The following SLC35B3 variants were observed in gnomAD, a reference collection of about 807,000 sequenced individuals.
SLC35B3 encodes solute carrier family 35 member B3.
SLC35B3 carries 35 observed loss-of-function variants against 44.1 expected under a neutral mutation model. The observed-to-expected ratio is 0.79, with a 90% confidence interval of 0.61 to 1.05. The LOEUF (loss-of-function observed/expected upper bound fraction) is 1.05, where lower values mean the gene tolerates loss of function less well. SLC35B3 is among the 50% of genes least tolerant of loss of function. The pLI, the probability that SLC35B3 is intolerant of heterozygous loss-of-function variation, is 0.00. For synonymous variants in SLC35B3, 146 were observed against 167.3 expected, an observed-to-expected ratio of 0.87 and a Z score of 0.98; for missense variants, 414 against 476.4, an observed-to-expected ratio of 0.87 and a Z score of 1.22.
At position 8,420,696 on chromosome 6, in the gene SLC35B3, C is replaced by T. The variant is rs1197264818; in HGVS notation, c.682+25G>A. ...TTCTAAACTAAAAAGCCTATAAAAG[C>T]TAGGAATATAAATAAATTACTTACC... On this transcript the variant is annotated intron_variant, in intron 6 of 10. Transcript: ENST00000644923. This position sits in a 1 kb window ranked among gnomAD's most constrained non-coding sequence, Gnocchi z 4.4. The T allele has an allele frequency of 1.3e-6, 2 of 1,548,160 alleles. No individual in the cohort carries two copies. Among genetic ancestry groups the T allele is most frequent in the African/African-American group, 2.7e-5 (2 of 72,968 alleles).
rs571286280 is a variant in SLC35B3 at position 8,420,412 on chromosome 6, A to T, written c.682+309T>A. Among the ~76,000 whole-genome samples the T allele has an allele frequency of 6.6e-6, 1 of 152,206 alleles. No individual in the cohort carries two copies. ...CAAAAACAATTATTTGTTCATATTC[A>T]TTTTTGAATAACGTAATACTGAGTT... On this transcript the variant is annotated intron_variant, in intron 6 of 10. Transcript: ENST00000644923. The surrounding 1 kb of genome is among the most constrained non-coding windows in gnomAD (Gnocchi z 4.4).
intron 9 of SLC35B3, 93 bp from the exon 9 acceptor site, chr6:8,415,070 T>G: frequency 1.3e-6 from 1 of 743,902 alleles, no homozygotes; most frequent in Non-Finnish European, 2.2e-6. Context: ...CCTGACTATA[T>G]GCCAGAATCT....
At chr6:8,415,935 C>T (rs1298938592) in intron 9 of SLC35B3, among the ~76,000 whole-genome samples, 4 of 152,052 alleles carry the variant, frequency 2.6e-5, no homozygotes, top group African/African-American at 9.7e-5. Context: ...GAAGATGGCA[C>T]AGTGGACAGA....
rs752406652 is a variant in SLC35B3, at chr6:8,416,982, G to T, written c.887C>A (p.Thr296Asn). 6.3e-7 allele frequency: 1 copy of T among 1,582,764 alleles called. No homozygotes were observed. Among genetic ancestry groups the T allele is most frequent in the Non-Finnish European group, 8.6e-7 (1 of 1,164,690 alleles). ...GGAAAAAAGGAACGCATAACCATAGGTCCGAACTGGATTCTGCAAAAAATA... is the reference window on the plus strand; with the variant it reads ...GGAAAAAAGGAACGCATAACCATAGTTCCGAACTGGATTCTGCAAAAAATA... The change falls in exon 9 of 11, where the codon ACC becomes AAC. Residue 296 changes from threonine (T) to asparagine (N), a missense_variant. Thr to Asn is a moderately conservative substitution (Grantham distance 65). Transcript: ENST00000644923.
Position 8,435,058 on chromosome 6 carries a change from C to A in SLC35B3, c.-44+285G>T. 5.0e-6 allele frequency: 6 copies of A among 1,203,098 alleles called. No homozygotes were observed. Among genetic ancestry groups the A allele is most frequent in the Non-Finnish European group, 6.3e-6 (6 of 950,500 alleles). 74.5% of individuals were successfully genotyped at this position (1,203,098 alleles called of 1,614,324 possible). A position where few individuals can be genotyped will look rare whatever the true frequency, so the allele number is the denominator to read the frequency against. ...GAGACCCCGAGAACAGCGTAAAAGACCCCTTGAGGTCACCTCACCCCTGCG... is the reference window on the plus strand; with the variant it reads ...GAGACCCCGAGAACAGCGTAAAAGAACCCTTGAGGTCACCTCACCCCTGCG... On this transcript the variant is annotated intron_variant, in intron 1 of 10. Transcript: ENST00000644923. This position sits in a 1 kb window ranked among gnomAD's most constrained non-coding sequence, Gnocchi z 5.5.
intron 4 of SLC35B3, among the ~76,000 whole-genome samples, chr6:8,424,820 C>A (rs902113794): frequency 6.6e-6 from 1 of 152,088 alleles, no homozygotes; most frequent in Non-Finnish European, 1.5e-5. Flanking sequence ...AAGACCCAAA[C>A]CCATGTTTCT....
intron 4 of SLC35B3, among the ~76,000 whole-genome samples, chr6:8,427,036 T>C (rs1378654087): frequency 6.6e-6 from 1 of 152,138 alleles, no homozygotes; most frequent in African/African-American, 2.4e-5. Flanking sequence ...GATGATTTAG[T>C]GTATCTGGTG....
chr6:8,412,983 A>C lies in SLC35B3; in HGVS notation c.*566T>G, dbSNP rs570767047. 2 of 152,364 alleles carry C rather than the reference A, an allele frequency of 1.3e-5. No individual in the cohort carries two copies. The highest frequency in any genetic ancestry group is 3.9e-4 in the East Asian group (2 of 5,186). 9.4% of individuals were successfully genotyped at this position (152,364 alleles called of 1,614,324 possible). A position where few individuals can be genotyped will look rare whatever the true frequency, so the allele number is the denominator to read the frequency against. On this transcript the variant is annotated 3_prime_UTR_variant, in exon 11 of 11. Transcript: ENST00000644923. ...CTGCTCTAAAGAATAATTTTAAATC[A>C]GAGAAAACTCAAGTTTTAAAGTTCA...
rs142870181 is a variant in SLC35B3, at chr6:8,420,022, T to A, written c.683-345A>T. On this transcript the variant is annotated intron_variant, in intron 6 of 10. Transcript: ENST00000644923. The surrounding 1 kb of genome is among the most constrained non-coding windows in gnomAD (Gnocchi z 4.4). The stretch of plus-strand genomic sequence containing the variant: ...CTCTTAGGATATCTATCTATTGGGA[T>A]TGGTGGCTATTCAGTTAATTAAAAA... Among the ~76,000 whole-genome samples, 1 of 151,796 alleles carries A rather than the reference T, an allele frequency of 6.6e-6. No individual in the cohort carries two copies. The highest frequency in any genetic ancestry group is 1.5e-5 in the Non-Finnish European group (1 of 67,866).
rs764533271 is a variant in SLC35B3, at chr6:8,420,757, C to A, written c.646G>T (p.Ala216Ser). The A allele has an allele frequency of 1.2e-6, 2 of 1,613,042 alleles. No homozygotes were observed. Among genetic ancestry groups the A allele is most frequent in the East Asian group, 4.5e-5 (2 of 44,860 alleles). Residue 216 changes from alanine (A) to serine (S), a missense_variant, in exon 6 of 11, where the codon GCT becomes TCT. By Grantham distance (99) the Ala-to-Ser change is moderately conservative. Coordinates refer to ENST00000644923, the MANE Select transcript of SLC35B3 (RefSeq NM_001370476.2). The surrounding 1 kb of genome is among the most constrained non-coding windows in gnomAD (Gnocchi z 4.4). ...AAATTTGGTGCAGTTGTGCTGTCAG[C>A]GAGGGTAAACCATATCAGGCCAAGG...
rs1243221035 is a variant in SLC35B3, at chr6:8,432,594, G to C, written c.3+1791C>G. On this transcript the variant is annotated intron_variant, in intron 2 of 10. Transcript: ENST00000644923. This position sits in a 1 kb window ranked among gnomAD's most constrained non-coding sequence, Gnocchi z 4.8. Reference sequence around the variant, plus strand: ...CTGGCTTTACTACTTATTAGCTGAGGAGCCTTGGGCAAATCGTTTAACTTT... The same window carrying C: ...CTGGCTTTACTACTTATTAGCTGAGCAGCCTTGGGCAAATCGTTTAACTTT... Among the ~76,000 whole-genome samples the C allele has an allele frequency of 6.6e-6, 1 of 152,100 alleles. No individual in the cohort carries two copies. The highest frequency in any genetic ancestry group is 1.9e-4 in the East Asian group (1 of 5,172).
intron 4 of SLC35B3, among the ~76,000 whole-genome samples, chr6:8,425,745 G>C (rs1210876723): frequency 1.3e-5 from 2 of 152,050 alleles, no homozygotes; most frequent in African/African-American, 4.8e-5. Flanking sequence ...ATCAAGGTAT[G>C]TCAGTATTAC....
chr6:8,431,061 C>T (rs1441476635), intron 2 of SLC35B3, among the ~76,000 whole-genome samples: 1 of 152,020 alleles, frequency 6.6e-6, no homozygotes, highest in Non-Finnish European at 1.5e-5. Context: ...AATTTACATT[C>T]TTCTGGGATG....
At chr6:8,417,307 T>C in intron 8 of SLC35B3, 95 bp downstream of exon 7, 1 of 740,796 alleles carries the variant, frequency 1.3e-6, no homozygotes, top group East Asian at 2.7e-5. Flanking sequence ...GGTATCATTA[T>C]ATCTATGATA....
intron 10 of SLC35B3, 140 bp from the exon 10 acceptor site, chr6:8,413,839 AT>A (rs1762177325): frequency 3.6e-6 from 2 of 554,114 alleles, no homozygotes; most frequent in African/African-American, 1.9e-5. Context: ...TAGCATTAAA[AT>A]AAAAATAGTA....
intron 3 of SLC35B3, 70 bp from the exon 3 acceptor site, chr6:8,428,128 A>G: frequency 7.5e-7 from 1 of 1,336,402 alleles, no homozygotes; most frequent in Non-Finnish European, 9.7e-7. Flanking sequence ...AAATTCTTAG[A>G]AACACAACAT....
rs1405957384 is a variant in SLC35B3 at position 8,432,705 on chromosome 6, A to G, written c.3+1680T>C. Reference sequence around the variant, plus strand: ...GATTTTGGTTAGGACTATATGAAATAAATGTAAAATTGCCTGGCATATGAC... The same window carrying G: ...GATTTTGGTTAGGACTATATGAAATGAATGTAAAATTGCCTGGCATATGAC... On this transcript the variant is annotated intron_variant, in intron 2 of 10. Coordinates refer to ENST00000644923, the MANE Select transcript of SLC35B3 (RefSeq NM_001370476.2). The surrounding 1 kb of genome is among the most constrained non-coding windows in gnomAD (Gnocchi z 4.8). 6.6e-6 allele frequency among the ~76,000 whole-genome samples: 1 copy of G among 152,188 alleles called. No individual in the cohort carries two copies. Among genetic ancestry groups the G allele is most frequent in the African/African-American group, 2.4e-5 (1 of 41,444 alleles).
chr6:8,419,687 G>T lies in SLC35B3; in HGVS notation c.683-10C>A, dbSNP rs1284741365. On this transcript the variant is annotated splice_polypyrimidine_tract_variant and intron_variant, in intron 6 of 10. Coordinates refer to ENST00000644923, the MANE Select transcript of SLC35B3 (RefSeq NM_001370476.2). This position sits in a 1 kb window ranked among gnomAD's most constrained non-coding sequence, Gnocchi z 4.3. ...GAAATAAGCACCACACCTTCAAGAAGGTATTAAAAAAACAAACAAAAAAAC... is the reference window on the plus strand; with the variant it reads ...GAAATAAGCACCACACCTTCAAGAATGTATTAAAAAAACAAACAAAAAAAC... The T allele has an allele frequency of 1.4e-6, 2 of 1,427,564 alleles. No homozygotes were observed. The highest frequency in any genetic ancestry group is 1.5e-5 in the South Asian group (1 of 66,084). 88.4% of individuals were successfully genotyped at this position (1,427,564 alleles called of 1,614,324 possible).
At position 8,414,987 on chromosome 6, in the gene SLC35B3, C is replaced by CA. The variant is rs1762288440; in HGVS notation, c.986-11dup. On this transcript the variant is annotated splice_polypyrimidine_tract_variant and intron_variant, in intron 9 of 10. Coordinates refer to ENST00000644923, the MANE Select transcript of SLC35B3 (RefSeq NM_001370476.2). ...TTTCTTCCTGTTGTCACTGTAGGAG[C>CA]AAAAAATTAGTTTAGAATGTGCCTA... The CA allele has an allele frequency of 6.3e-7, 1 of 1,586,306 alleles. No homozygotes were observed. Among genetic ancestry groups the CA allele is most frequent in the Admixed American group, 1.7e-5 (1 of 59,266 alleles).
Sources: allele counts gnomAD v4.1 joint callset (sites outside exome capture counted in the v4.1 genomes callset), GRCh38; gene constraint gnomAD v4.1.1; non-coding constraint Gnocchi (gnomAD v3.1); transcripts MANE v1.5; gene names NCBI Gene and HGNC (gene_info 2026-07-23, HGNC 2026-07-21).